The following CFH variants were observed in gnomAD, a reference collection of about 807,000 sequenced individuals.
The protein encoded by CFH is H factor 1 (complement).
In CFH, 53 loss-of-function variants were observed where a neutral mutation model predicts 147.3. The observed-to-expected ratio is 0.36, with a 90% CI of 0.29 to 0.45. The LOEUF (loss-of-function observed/expected upper bound fraction) is 0.45, where lower values mean the gene tolerates loss of function less well. Ranked by LOEUF, CFH falls within the 20% of genes least tolerant of loss-of-function variation. The probability of loss-of-function intolerance (pLI) is 1.00; values close to 1 mark genes in which losing one functional copy is unlikely to be tolerated. For synonymous variants in CFH, 536 were observed against 489.4 expected (o/e 1.10, Z -1.26); for missense variants, 1,380 against 1,498.0 (o/e 0.92, Z 1.30).
Position 196,746,695 on chromosome 1 carries a change from A to G in CFH, c.3494-416A>G, listed in dbSNP as rs1032893227. Reference sequence around the variant, plus strand: ...GAGGACACTTAAAATCTGCTTTCTTACCAATTTTCAAATAAACAATACAAT... The same window carrying G: ...GAGGACACTTAAAATCTGCTTTCTTGCCAATTTTCAAATAAACAATACAAT... On this transcript the variant is annotated intron_variant, in intron 21 of 21. Coordinates refer to ENST00000367429, the MANE Select transcript of CFH (RefSeq NM_000186.4). Among the ~76,000 whole-genome samples, 6 of 152,250 alleles carry G rather than the reference A, an allele frequency of 3.9e-5. No individual in the cohort carries two copies. The East Asian group carries it at 7.7e-4, about 20-fold the overall frequency.
At chr1:196,714,662 TATATATAGAGAGAGAGAG>T (rs1333043526) in intron 10 of CFH, among the ~76,000 whole-genome samples, 189 of 37,388 alleles carry the variant, frequency 5.1e-3, no homozygotes, top group East Asian at 0.021. Context: ...TATATATATA[TATATATAGAGAGAGAGAG>T]AGAGAGAGAG....
rs774239374 is a variant in CFH, at chr1:196,679,664, A to G, written c.661A>G (p.Ile221Val). The change falls in exon 6 of 22, where the codon ATA becomes GTA. Residue 221 changes from isoleucine (I) to valine (V), a missense_variant. Physicochemically the swap from Ile to Val is conservative, Grantham distance 29. Around this residue, in one of 4 missense-constraint regions of CFH, gnomAD observed 167 missense variants for 228.0 expected, o/e 0.73. Transcript: ENST00000367429. ...KSPDVINGSPISQKIIYKENE... is the reference protein window; with the variant it reads ...KSPDVINGSPVSQKIIYKENE... ...CCCAGATGTTATAAATGGATCTCCT[A>G]TATCTCAGAAGATTATTTATAAGGA... 3.5e-5 allele frequency: 56 copies of G among 1,607,306 alleles called. No individual in the cohort carries two copies. In the Middle Eastern group the frequency reaches 5.0e-4, roughly 14 times the overall value.
chr1:196,671,849 A>G (rs948237103), intron 1 of CFH, among the ~76,000 whole-genome samples: 4 of 149,646 alleles, frequency 2.7e-5, no homozygotes, highest in Middle Eastern at 3.6e-3. Context: ...TTAAATGCTC[A>G]TATATAAATG....
chr1:196,737,788 A>G, intron 17 of CFH, 128 bp downstream of exon 17: 1 of 657,672 alleles, frequency 1.5e-6, no homozygotes, highest in East Asian at 3.1e-5. Context: ...TATACCATTA[A>G]AATACTTTTT....
In CFH at chr1:196,660,730, A is replaced by G. The variant is rs530406569; in HGVS notation, c.58+8555A>G. Among the ~76,000 whole-genome samples, 130 of 152,344 alleles carry G rather than the reference A, an allele frequency of 8.5e-4. 1 individual carries two copies. Among genetic ancestry groups the G allele is most frequent in the African/African-American group, 3.0e-3 (125 of 41,592 alleles). The stretch of plus-strand genomic sequence containing the variant: ...GGTAATCAATATGATAATTCTTTAT[A>G]TATAGTAAACATATTCACAGAGTAA... On this transcript the variant is annotated intron_variant, in intron 1 of 21. Transcript: ENST00000367429.
At chr1:196,714,005 T>G in intron 10 of CFH, 88 bp downstream of exon 10, 1 of 1,225,482 alleles carries the variant, frequency 8.2e-7, no homozygotes, top group South Asian at 1.3e-5. Context: ...CTGATATAAT[T>G]TCATTTGAAA....
At chr1:196,738,236 G>T (rs1573077412) in intron 17 of CFH, among the ~76,000 whole-genome samples, 1 of 152,134 alleles carries the variant, frequency 6.6e-6, no homozygotes, top group Middle Eastern at 3.2e-3. Context: ...ATTGTTATTT[G>T]GTTGGAGATA....
At chr1:196,718,759 A>G (rs1006502844) in intron 11 of CFH, among the ~76,000 whole-genome samples, 1 of 152,118 alleles carries the variant, frequency 6.6e-6, no homozygotes, top group African/African-American at 2.4e-5. Flanking sequence ...TAAAGGAGAG[A>G]AAGTTGGAGT....
At chr1:196,744,019 G>A (rs1487605813) in intron 20 of CFH, among the ~76,000 whole-genome samples, 1 of 152,082 alleles carries the variant, frequency 6.6e-6, no homozygotes, top group East Asian at 1.9e-4. Context: ...TCAGTATATG[G>A]ATTATATTTA....
chr1:196,710,403 G>A (rs1668699072), intron 9 of CFH, among the ~76,000 whole-genome samples: 1 of 152,104 alleles, frequency 6.6e-6, no homozygotes, highest in African/African-American at 2.4e-5. Flanking sequence ...GCTATTTATA[G>A]GATCGATCCA....
At chr1:196,728,604 T>C in intron 15 of CFH, 82 bp downstream of exon 15, 4 of 1,361,574 alleles carry the variant, frequency 2.9e-6, no homozygotes, top group Non-Finnish European at 4.2e-6. Context: ...TTAAAAACTT[T>C]AGCTATTTAT....
At chr1:196,713,263 G>A (rs1668766514) in intron 9 of CFH, among the ~76,000 whole-genome samples, 1 of 152,058 alleles carries the variant, frequency 6.6e-6, no homozygotes, top group Non-Finnish European at 1.5e-5. Context: ...CACACAATAA[G>A]AATGACATTT....
rs551969428 is a variant in CFH, at chr1:196,689,625, C to A, written c.1159+11C>A. On this transcript the variant is annotated intron_variant, in intron 8 of 21. Transcript: ENST00000367429. Reference sequence around the variant, plus strand: ...CAGTACCATGCCTCAGTAAGTAAACCTCTGAACTGCTATATATATGTATAA... The same window carrying A: ...CAGTACCATGCCTCAGTAAGTAAACATCTGAACTGCTATATATATGTATAA... 14 of 1,612,392 alleles carry A rather than the reference C, an allele frequency of 8.7e-6. No individual in the cohort carries two copies. Among genetic ancestry groups the A allele is most frequent in the East Asian group, 2.2e-5 (1 of 44,806 alleles).
At chr1:196,712,686 T>C (rs1382874384) in intron 9 of CFH, among the ~76,000 whole-genome samples, 2 of 151,402 alleles carry the variant, frequency 1.3e-5, no homozygotes, top group South Asian at 2.1e-4. Flanking sequence ...TACATATGTA[T>C]ACATGTGCCA....
chr1:196,742,187 C>A (rs958911296), intron 19 of CFH, 136 bp downstream of exon 19: 1 of 740,956 alleles, frequency 1.3e-6, no homozygotes, highest in South Asian at 1.5e-5. Context: ...CCAGCCTGGC[C>A]AACATGGTGA....
intron 15 of CFH, among the ~76,000 whole-genome samples, chr1:196,730,181 T>TAAA (rs2149110051): frequency 6.6e-6 from 1 of 151,998 alleles, no homozygotes; most frequent in Non-Finnish European, 1.5e-5. Context: ...ACTAGACTGT[T>TAAA]TATTTGAGTT....
intron 9 of CFH, among the ~76,000 whole-genome samples, chr1:196,692,744 CTTTTTCTTTCTTTCTTTCTTTCTT>C (rs1668086400): frequency 1.4e-4 from 19 of 131,474 alleles, no homozygotes; most frequent in Non-Finnish European, 2.6e-4. Flanking sequence ...CCCTTCCTTT[CTTTTTCTTTCTTTCTTTCTTTCTT>C]TCTTTCTTTC....
rs1558173523 is a variant in CFH at position 196,714,692 on chromosome 1, GAGAGAGAGA to G, written c.1519+776_1519+784del. 7.1e-5 allele frequency among the ~76,000 whole-genome samples: 8 copies of G among 112,634 alleles called. 1 individual carries two copies. Among genetic ancestry groups the G allele is most frequent in the African/African-American group, 2.7e-4 (8 of 29,206 alleles). The allele number at this position is 112,634 out of a possible 152,430, so 73.9% of individuals were successfully genotyped here. On this transcript the variant is annotated intron_variant, in intron 10 of 21. Coordinates refer to ENST00000367429, the MANE Select transcript of CFH (RefSeq NM_000186.4). ...ATAGAGAGAGAGAGAGAGAGAGAGAGAGAGAGAGAGAGAGAGAGAGAGAGAGATGGAGTC... is the reference window on the plus strand; with the variant it reads ...ATAGAGAGAGAGAGAGAGAGAGAGAGGAGAGAGAGAGAGAGAGATGGAGTC...
chr1:196,742,730 C>T (rs1287171552), intron 19 of CFH, among the ~76,000 whole-genome samples: 2 of 152,144 alleles, frequency 1.3e-5, no homozygotes, highest in Non-Finnish European at 2.9e-5. Flanking sequence ...CCAGGGAATT[C>T]TATTTACACT....
Sources: gnomAD v4.1 joint callset for allele counts (sites outside exome capture counted in the v4.1 genomes callset) on GRCh38, gnomAD v4.1.1 for gene constraint, gnomAD v4.1.1 regional missense constraint, MANE v1.5 for transcripts, NCBI Gene and HGNC (gene_info 2026-07-23, HGNC 2026-07-21) for gene names.